RSU1: variants seen among roughly 807,000 people sequenced by gnomAD.
RSU1 encodes Ras suppressor protein 1.
A neutral mutation model predicts 31.1 loss-of-function variants in RSU1; 26 were observed. The observed-to-expected ratio is 0.84, with a 90% confidence interval of 0.61 to 1.16. The LOEUF (loss-of-function observed/expected upper bound fraction) is 1.16, where lower values mean the gene tolerates loss of function less well. Ranked by LOEUF, RSU1 falls within the 50% of genes most tolerant of loss-of-function variation. RSU1 has a pLI of 0.00. For missense variants in RSU1, 320 were observed against 339.1 expected (o/e 0.94, Z 0.44); for synonymous variants, 164 against 136.3 (o/e 1.20, Z -1.41).
intron 8 of RSU1, among the ~76,000 whole-genome samples, chr10:16,689,386 G>T (rs1588716462): frequency 6.6e-6 from 1 of 152,232 alleles, no homozygotes. Context: ...TGGACTGGTT[G>T]TATCAGTGAA....
At chr10:16,616,950 C>G (rs1188086590) in intron 8 of RSU1, among the ~76,000 whole-genome samples, 1 of 152,152 alleles carries the variant, frequency 6.6e-6, no homozygotes. Context: ...GACAAAGATG[C>G]CCTCTCTCAC....
intron 8 of RSU1, among the ~76,000 whole-genome samples, chr10:16,638,304 T>TC (rs1834381199): frequency 6.6e-6 from 1 of 152,138 alleles, no homozygotes; most frequent in African/African-American, 2.4e-5. Context: ...TGCCTTTTTT[T>TC]CGCGCGCATG....
At chr10:16,782,969 G>A (rs1375401993) in intron 2 of RSU1, among the ~76,000 whole-genome samples, 1 of 150,588 alleles carries the variant, frequency 6.6e-6, no homozygotes, top group Admixed American at 6.6e-5. Flanking sequence ...GGAGTACAGT[G>A]GCACAATGTC....
chr10:16,722,134 G>A (rs552867234), intron 7 of RSU1, among the ~76,000 whole-genome samples: 1 of 152,186 alleles, frequency 6.6e-6, no homozygotes, highest in Non-Finnish European at 1.5e-5. Context: ...ACAGTATATT[G>A]TTATAACTGA....
At chr10:16,783,650 GGCC>G (rs1449507164) in intron 2 of RSU1, among the ~76,000 whole-genome samples, 1 of 140,174 alleles carries the variant, frequency 7.1e-6, no homozygotes, top group Non-Finnish European at 1.5e-5. Flanking sequence ...CACCGAGTCC[GGCC>G]GCATGTTTTT....
chr10:16,772,641 GAAA>G (rs60460081), intron 3 of RSU1, among the ~76,000 whole-genome samples: 26 of 64,754 alleles, frequency 4.0e-4, no homozygotes, highest in Middle Eastern at 0.011. Context: ...AGTAGAATAT[GAAA>G]AAAAAAAAAA....
At chr10:16,691,512 C>A (rs1835549541) in intron 8 of RSU1, among the ~76,000 whole-genome samples, 1 of 151,066 alleles carries the variant, frequency 6.6e-6, no homozygotes, top group African/African-American at 2.4e-5. Context: ...GACAAAAAAA[C>A]TGAAATACAC....
intron 8 of RSU1, among the ~76,000 whole-genome samples, chr10:16,648,139 T>TTTTTTTTATTTTA (rs1423466807): frequency 4.6e-5 from 7 of 151,662 alleles, no homozygotes; most frequent in African/African-American, 1.7e-4. Context: ...AAAATTTTTT[T>TTTTTTTTATTTTA]TTTTTTTTAA....
At chr10:16,652,174 T>C (rs1187972474) in intron 8 of RSU1, among the ~76,000 whole-genome samples, 1 of 151,922 alleles carries the variant, frequency 6.6e-6, no homozygotes, top group African/African-American at 2.4e-5. Context: ...AACTGTAAAA[T>C]AGATTGCCAG....
chr10:16,631,252 G>C (rs779182868), intron 8 of RSU1, among the ~76,000 whole-genome samples: 3 of 152,178 alleles, frequency 2.0e-5, no homozygotes, highest in Admixed American at 2.0e-4. Context: ...TCATCAATTG[G>C]GGGGACGGTT....
chr10:16,623,630 T>C (rs763660738), intron 8 of RSU1, among the ~76,000 whole-genome samples: 2 of 152,188 alleles, frequency 1.3e-5, no homozygotes, highest in African/African-American at 2.4e-5. Context: ...AACTAACTCA[T>C]ATTCCCACCA....
rs143736814 is a variant in RSU1, at chr10:16,810,529, T to C, written c.109+6444A>G. Among the ~76,000 whole-genome samples, 651 of 152,276 alleles carry C rather than the reference T, an allele frequency of 4.3e-3. 1 individual carries two copies. Among genetic ancestry groups the C allele is most frequent in the Non-Finnish European group, 6.3e-3 (426 of 68,028 alleles). On this transcript the variant is annotated intron_variant, in intron 2 of 8. Transcript: ENST00000345264. ...AGTGTGTGGCAACGGCTGTTCCTCTTGACCCTAGCACACTGGGCCCAGCCG... is the reference window on the plus strand; with the variant it reads ...AGTGTGTGGCAACGGCTGTTCCTCTCGACCCTAGCACACTGGGCCCAGCCG...
chr10:16,749,692 T>G (rs1328335656), intron 7 of RSU1, among the ~76,000 whole-genome samples: 1 of 152,166 alleles, frequency 6.6e-6, no homozygotes, highest in African/African-American at 2.4e-5. Context: ...ACAACGCAAC[T>G]GGCTTGGAAA....
At chr10:16,602,226 T>C (rs1207533730) in intron 8 of RSU1, among the ~76,000 whole-genome samples, 3 of 152,198 alleles carry the variant, frequency 2.0e-5, no homozygotes, top group East Asian at 1.9e-4. Flanking sequence ...ATCTCATCAC[T>C]AAGTCCTTGA....
intron 8 of RSU1, among the ~76,000 whole-genome samples, chr10:16,623,036 T>G (rs898946125): frequency 6.6e-6 from 1 of 152,244 alleles, no homozygotes; most frequent in Non-Finnish European, 1.5e-5. Flanking sequence ...TCTTTTTTTT[T>G]TCCCCCAACT....
intron 8 of RSU1, among the ~76,000 whole-genome samples, chr10:16,646,361 G>A (rs527556345): frequency 2.6e-5 from 4 of 152,068 alleles, no homozygotes; most frequent in Middle Eastern, 3.4e-3. Flanking sequence ...CTCACTATCC[G>A]TACAGTCAGG....
At chr10:16,639,075 C>T (rs7895741) in intron 8 of RSU1, among the ~76,000 whole-genome samples, 37,440 of 151,968 alleles carry the variant, frequency 0.25, 5,088 homozygotes, top group East Asian at 0.3. Context: ...TTCCTGTTGA[C>T]GAGTGGTAAT....
At chr10:16,703,048 G>T (rs1268681154) in intron 7 of RSU1, among the ~76,000 whole-genome samples, 1 of 152,166 alleles carries the variant, frequency 6.6e-6, no homozygotes, top group Non-Finnish European at 1.5e-5. Flanking sequence ...GTTTAAAAGT[G>T]TGGGGCACCT....
intron 7 of RSU1, among the ~76,000 whole-genome samples, chr10:16,734,569 T>G (rs1473344266): frequency 6.6e-6 from 1 of 152,240 alleles, no homozygotes; most frequent in South Asian, 2.1e-4. Context: ...GGGGGGGTTA[T>G]CTCCATAGGT....
Sources: allele counts gnomAD v4.1 joint callset (sites outside exome capture counted in the v4.1 genomes callset), GRCh38; gene constraint gnomAD v4.1.1; transcripts MANE v1.5; gene names NCBI Gene and HGNC (gene_info 2026-07-23, HGNC 2026-07-21).